MOB3B: variants seen among roughly 807,000 people sequenced by gnomAD.
MOB3B encodes the protein MOB kinase activator-like 2B.
In MOB3B, 7 loss-of-function variants were observed where a neutral mutation model predicts 18.7. The ratio of observed to expected loss-of-function variants is 0.37; its 90% CI spans 0.21 to 0.70. The LOEUF (loss-of-function observed/expected upper bound fraction) is 0.70. Among genes scored for constraint, MOB3B ranks in the 30% least tolerant of loss-of-function variants. MOB3B has a pLI of 0.52. For synonymous variants in MOB3B, 111 were observed against 99.9 expected (o/e 1.11, Z -0.66); for missense variants, 253 against 281.3 (o/e 0.90, Z 0.72).
chr9:27,457,258 CG>C (rs1819189698), intron 1 of MOB3B, among the ~76,000 whole-genome samples: 1 of 152,258 alleles, frequency 6.6e-6, no homozygotes, highest in African/African-American at 2.4e-5. Flanking sequence ...ATAGATTGGT[CG>C]GAGGTGAAGG....
At chr9:27,491,457 T>C (rs1025344328) in intron 1 of MOB3B, among the ~76,000 whole-genome samples, 1 of 152,210 alleles carries the variant, frequency 6.6e-6, no homozygotes, top group African/African-American at 2.4e-5. Context: ...GAATTTGCCA[T>C]AATAAGTCTA....
intron 3 of MOB3B, among the ~76,000 whole-genome samples, chr9:27,353,511 T>C (rs747632297): frequency 1.3e-5 from 2 of 152,168 alleles, no homozygotes; most frequent in Admixed American, 6.5e-5. Flanking sequence ...TGTGGTAACA[T>C]TGGTTTTCAC....
chr9:27,365,500 G>A (rs1360171385), intron 2 of MOB3B, among the ~76,000 whole-genome samples: 1 of 150,518 alleles, frequency 6.6e-6, no homozygotes, highest in African/African-American at 2.4e-5. Context: ...GTTAGATTTT[G>A]ACTAGTCTTA....
intron 1 of MOB3B, among the ~76,000 whole-genome samples, chr9:27,463,133 C>A (rs1819319238): frequency 6.6e-6 from 1 of 152,124 alleles, no homozygotes. Flanking sequence ...TATTATGATA[C>A]AAGTTTTACT....
chr9:27,512,358 T>C (rs1363353720), intron 1 of MOB3B, among the ~76,000 whole-genome samples: 3 of 152,170 alleles, frequency 2.0e-5, no homozygotes, highest in African/African-American at 7.2e-5. Flanking sequence ...ATAAATCGAA[T>C]TACTGTGTGC....
intron 1 of MOB3B, among the ~76,000 whole-genome samples, chr9:27,456,953 G>C (rs1324924344): frequency 6.6e-6 from 1 of 152,144 alleles, no homozygotes; most frequent in Non-Finnish European, 1.5e-5. Context: ...CCACTAACTT[G>C]TTGATCCTCA....
chr9:27,343,478 T>TAAA (rs779124158), intron 3 of MOB3B, among the ~76,000 whole-genome samples: 67 of 84,246 alleles, frequency 8.0e-4, no homozygotes, highest in Admixed American at 1.1e-3. Context: ...CAATAAATAC[T>TAAA]AAAAAAAAAA....
intron 2 of MOB3B, among the ~76,000 whole-genome samples, chr9:27,445,131 AT>A: frequency 6.6e-6 from 1 of 152,348 alleles, no homozygotes; most frequent in Non-Finnish European, 1.5e-5. Flanking sequence ...AAAAGCTGTA[AT>A]AAATCAGAGG....
intron 2 of MOB3B, among the ~76,000 whole-genome samples, chr9:27,444,588 T>G (rs1822661739): frequency 6.6e-6 from 1 of 152,200 alleles, no homozygotes. Flanking sequence ...AGACACTACT[T>G]TCATCTTGTT....
chr9:27,481,922 G>A (rs1057080414), intron 1 of MOB3B, among the ~76,000 whole-genome samples: 5 of 152,012 alleles, frequency 3.3e-5, no homozygotes, highest in African/African-American at 9.7e-5. Flanking sequence ...AGTTTTATGG[G>A]AAATCAGAAT....
intron 2 of MOB3B, among the ~76,000 whole-genome samples, chr9:27,412,811 G>C (rs981931210): frequency 1.3e-5 from 2 of 152,184 alleles, no homozygotes; most frequent in Admixed American, 6.5e-5. Flanking sequence ...TAAGTCAATA[G>C]CCTATTGCTG....
chr9:27,464,157 A>C (rs916076998), intron 1 of MOB3B, among the ~76,000 whole-genome samples: 5 of 152,160 alleles, frequency 3.3e-5, no homozygotes, highest in African/African-American at 1.2e-4. Context: ...TGTGAGAAAC[A>C]GAAAATGATT....
Position 27,455,074 on chromosome 9 carries a change from AT to A in MOB3B, c.418+58del, listed in dbSNP as rs1822849725. On this transcript the variant is annotated intron_variant, in intron 2 of 3. Transcript: ENST00000262244. Reference sequence around the variant, plus strand: ...CCTAGCATTCAAAGGCAGTCTGCAAATTTTCATAGTGAAGATTGTGCAGGTG... The same window carrying A: ...CCTAGCATTCAAAGGCAGTCTGCAAATTTCATAGTGAAGATTGTGCAGGTG... The A allele has an allele frequency of 1.4e-5, 22 of 1,599,168 alleles. 2 individuals are homozygous for A. The South Asian group carries it at 2.4e-4, about 18-fold the overall frequency.
chr9:27,516,685 T>C (rs1820240543), intron 1 of MOB3B, among the ~76,000 whole-genome samples: 1 of 152,230 alleles, frequency 6.6e-6, no homozygotes, highest in Non-Finnish European at 1.5e-5. Flanking sequence ...TTTCCTCTTC[T>C]GCTGCCCACT....
chr9:27,330,345 C>A lies in MOB3B; in HGVS notation c.*242G>T, dbSNP rs879726904. On this transcript the variant is annotated 3_prime_UTR_variant, in exon 4 of 4. Transcript: ENST00000262244. ...TGGACAATTCCCCAGCCAGAACGGT[C>A]AAGGGGCTGGTCCTTCTTTCACGTT... The A allele has an allele frequency of 3.2e-5, 15 of 472,856 alleles. No homozygotes were observed. The highest frequency in any genetic ancestry group is 5.9e-5 in the African/African-American group (3 of 50,470). 29.3% of individuals were successfully genotyped at this position (472,856 alleles called of 1,614,324 possible).
chr9:27,348,164 G>A (rs578114593), intron 3 of MOB3B, among the ~76,000 whole-genome samples: 12 of 152,212 alleles, frequency 7.9e-5, no homozygotes, highest in African/African-American at 2.2e-4. Context: ...GAGTTTTCAC[G>A]GAGTCAGATT....
chr9:27,442,084 TA>T lies in MOB3B; in HGVS notation c.418+13048del, dbSNP rs1822603118. ...ATTTTTTTGTTTTGGGAAATGTAGTTATTTTTCATAAAAAAAGTTATTTTGT... is the reference window on the plus strand; with the variant it reads ...ATTTTTTTGTTTTGGGAAATGTAGTTTTTTTCATAAAAAAAGTTATTTTGT... On this transcript the variant is annotated intron_variant, in intron 2 of 3. Coordinates refer to ENST00000262244, the MANE Select transcript of MOB3B (RefSeq NM_024761.5). Among the ~76,000 whole-genome samples the T allele has an allele frequency of 2.6e-5, 4 of 152,344 alleles. No individual in the cohort carries two copies. The South Asian group carries it at 8.3e-4, about 32-fold the overall frequency.
At position 27,518,143 on chromosome 9, in the gene MOB3B, A is replaced by C. The variant is rs540633833; in HGVS notation, c.-199+11412T>G. 3.3e-5 allele frequency among the ~76,000 whole-genome samples: 5 copies of C among 152,358 alleles called. No individual in the cohort carries two copies. The South Asian group carries it at 1.0e-3, about 32-fold the overall frequency. ...CTTTCTTTGTTCTTCAGAAATGTCA[A>C]GAAACCTTATGACCACATGCAAGCT... On this transcript the variant is annotated intron_variant, in intron 1 of 3. Transcript: ENST00000262244.
chr9:27,352,626 CT>C (rs1821121412), intron 3 of MOB3B, among the ~76,000 whole-genome samples: 1 of 152,074 alleles, frequency 6.6e-6, no homozygotes, highest in Non-Finnish European at 1.5e-5. Context: ...GTTTCACTTC[CT>C]TCCCACCTCC....
Sources: allele counts gnomAD v4.1 joint callset (sites outside exome capture counted in the v4.1 genomes callset), GRCh38; gene constraint gnomAD v4.1.1; transcripts MANE v1.5; gene names NCBI Gene and HGNC (gene_info 2026-07-23, HGNC 2026-07-21).